Variants in COL23A1 observed in about 807,000 individuals in gnomAD.
COL23A1 encodes collagen alpha-1(XXIII) chain.
A neutral mutation model predicts 99.3 loss-of-function variants in COL23A1; 97 were observed. That is an observed-to-expected ratio of 0.98 (90% confidence interval 0.83 to 1.16). The LOEUF is 1.16. Ranked by LOEUF, COL23A1 falls within the 50% of genes most tolerant of loss-of-function variation. COL23A1 has a pLI of 0.00. For missense variants in COL23A1, 762 were observed against 757.4 expected (o/e 1.01, Z -0.07); for synonymous variants, 320 against 308.2 (o/e 1.04, Z -0.40).
intron 2 of COL23A1, among the ~76,000 whole-genome samples, chr5:178,314,957 T>C (rs552856111): frequency 5.9e-5 from 9 of 152,282 alleles, no homozygotes; most frequent in African/African-American, 2.2e-4. Flanking sequence ...TTTCATAACC[T>C]CTTCTTGGCA....
At chr5:178,432,171 T>C (rs1338725486) in intron 2 of COL23A1, among the ~76,000 whole-genome samples, 2 of 152,256 alleles carry the variant, frequency 1.3e-5, no homozygotes, top group East Asian at 1.9e-4. Context: ...AGGTAACTTA[T>C]AGAACCCTTT....
chr5:178,263,426 C>A lies in COL23A1; in HGVS notation c.523-102G>T, dbSNP rs1029488166. The A allele has an allele frequency of 1.5e-5, 11 of 729,584 alleles. No individual in the cohort carries two copies. The African/African-American group carries it at 2.0e-4, about 13-fold the overall frequency. 45.2% of individuals were successfully genotyped at this position (729,584 alleles called of 1,614,324 possible). ...AGCCCCACGCCATCCCCTTCCCCAG[C>A]CCTTGGGCAGGCTCAAAGGGGAGGG... On this transcript the variant is annotated intron_variant, in intron 8 of 28. Transcript: ENST00000390654.
At chr5:178,586,313 C>T (rs1025265107) in intron 1 of COL23A1, among the ~76,000 whole-genome samples, 16 of 152,326 alleles carry the variant, frequency 1.1e-4, no homozygotes, top group African/African-American at 3.8e-4. Flanking sequence ...ACCACACTAT[C>T]AGAGGAGAGG....
intron 1 of COL23A1, among the ~76,000 whole-genome samples, chr5:178,563,470 A>T (rs1013901598): frequency 2.7e-5 from 4 of 149,980 alleles, no homozygotes; most frequent in African/African-American, 9.9e-5. Context: ...CACCTGTCCC[A>T]GTTGAATGGG....
chr5:178,291,936 T>C (rs1262668982), intron 3 of COL23A1, among the ~76,000 whole-genome samples: 1 of 152,182 alleles, frequency 6.6e-6, no homozygotes, highest in African/African-American at 2.4e-5. Flanking sequence ...AGCAAGATGC[T>C]GGCAGCTTGG....
chr5:178,521,762 T>G (rs1170968286), intron 2 of COL23A1, among the ~76,000 whole-genome samples: 3 of 152,194 alleles, frequency 2.0e-5, no homozygotes, highest in Non-Finnish European at 4.4e-5. Context: ...AATGGCTACT[T>G]ATTTTATGAT....
intron 2 of COL23A1, among the ~76,000 whole-genome samples, chr5:178,401,929 C>T (rs1288392527): frequency 1.3e-5 from 2 of 152,178 alleles, no homozygotes; most frequent in Middle Eastern, 3.2e-3. Context: ...GATTCTCCTG[C>T]CTCAGCCTCC....
At position 178,498,215 on chromosome 5, in the gene COL23A1, TATATATATATATA is replaced by T. The variant is rs1180105242; in HGVS notation, c.361+62454_361+62466del. The stretch of plus-strand genomic sequence containing the variant: ...CCCTGTCTTTATTTAAATATATATA[TATATATATATATA>T]TATATATATATATATATATATATAT... On this transcript the variant is annotated intron_variant, in intron 2 of 28. Transcript: ENST00000390654. Among the ~76,000 whole-genome samples the T allele has an allele frequency of 3.9e-4, 13 of 33,526 alleles. No individual in the cohort carries two copies. In the African/African-American group the frequency reaches 4.0e-3, roughly 10 times the overall value. The allele number at this position is 33,526 out of a possible 152,430, so 22.0% of individuals were successfully genotyped here. A position where few individuals can be genotyped will look rare whatever the true frequency, so the allele number is the denominator to read the frequency against.
chr5:178,512,362 G>A (rs1357298546), intron 2 of COL23A1, among the ~76,000 whole-genome samples: 1 of 152,222 alleles, frequency 6.6e-6, no homozygotes, highest in Non-Finnish European at 1.5e-5. Context: ...AGATATAAAT[G>A]TACCATATAT....
chr5:178,522,795 G>C (rs957501437), intron 2 of COL23A1, among the ~76,000 whole-genome samples: 2 of 152,078 alleles, frequency 1.3e-5, no homozygotes, highest in African/African-American at 4.8e-5. Context: ...GTGGCCTACG[G>C]GGACTGCCAG....
At chr5:178,374,396 T>C (rs1478585019) in intron 2 of COL23A1, among the ~76,000 whole-genome samples, 1 of 152,202 alleles carries the variant, frequency 6.6e-6, no homozygotes, top group Admixed American at 6.5e-5. Flanking sequence ...TGCCTATCTC[T>C]GCTGCTGCCC....
intron 2 of COL23A1, among the ~76,000 whole-genome samples, chr5:178,321,779 G>A (rs1253799329): frequency 2.0e-5 from 3 of 151,266 alleles, no homozygotes; most frequent in East Asian, 2.0e-4. Flanking sequence ...GTGAGCCACC[G>A]CGCCCGGCCC....
At position 178,589,365 on chromosome 5, in the gene COL23A1, C is replaced by A. The variant is rs557452346; in HGVS notation, c.294+539G>T. On this transcript the variant is annotated intron_variant, in intron 1 of 28. Coordinates refer to ENST00000390654, the MANE Select transcript of COL23A1 (RefSeq NM_173465.4). The surrounding 1 kb of genome is among the most constrained non-coding windows in gnomAD (Gnocchi z 5.4). ...CCCCATCCCCGAGGCCTCAGTGCGACGGTGACCGCTCAGTCTTGGGGCCTG... is the reference window on the plus strand; with the variant it reads ...CCCCATCCCCGAGGCCTCAGTGCGAAGGTGACCGCTCAGTCTTGGGGCCTG... 1.3e-5 allele frequency among the ~76,000 whole-genome samples: 2 copies of A among 152,200 alleles called. No homozygotes were observed. The highest frequency in any genetic ancestry group is 6.5e-5 in the Admixed American group (1 of 15,292).
intron 2 of COL23A1, among the ~76,000 whole-genome samples, chr5:178,382,192 A>C (rs1021474407): frequency 4.6e-5 from 7 of 151,950 alleles, no homozygotes; most frequent in African/African-American, 1.7e-4. Flanking sequence ...GTGTCTGCTG[A>C]GGGTCACACA....
At chr5:178,411,213 T>C (rs1287974859) in intron 2 of COL23A1, among the ~76,000 whole-genome samples, 1 of 152,312 alleles carries the variant, frequency 6.6e-6, no homozygotes, top group East Asian at 1.9e-4. Context: ...AATGTAAAAT[T>C]GTTCGGCTCC....
chr5:178,247,587 C>G, intron 21 of COL23A1, 35 bp from the exon 22 acceptor site: 1 of 1,613,662 alleles, frequency 6.2e-7, no homozygotes, highest in Non-Finnish European at 8.5e-7. Flanking sequence ...AAGGCTGGCT[C>G]CGGACCCTCT....
In COL23A1 at chr5:178,387,846, G is replaced by A. The variant is rs1159067559; in HGVS notation, c.362-80927C>T. ...GCTTTTATACTCAGGAAGGAAGAGG[G>A]CCCAAGGAGAAAATAAGGAGCCAAA... On this transcript the variant is annotated intron_variant, in intron 2 of 28. Transcript: ENST00000390654. This position sits in a 1 kb window ranked among gnomAD's most constrained non-coding sequence, Gnocchi z 4.7. 6.6e-6 allele frequency among the ~76,000 whole-genome samples: 1 copy of A among 152,110 alleles called. No homozygotes were observed. The highest frequency in any genetic ancestry group is 2.4e-5 in the African/African-American group (1 of 41,408).
At chr5:178,386,283 CA>C (rs1251865803) in intron 2 of COL23A1, among the ~76,000 whole-genome samples, 6 of 151,998 alleles carry the variant, frequency 3.9e-5, no homozygotes, top group Non-Finnish European at 7.4e-5. Context: ...TACTAAAATA[CA>C]AAAAATTAGC....
intron 5 of COL23A1, 134 bp downstream of exon 5, chr5:178,288,190 C>A (rs1039959303): frequency 1.2e-6 from 1 of 863,584 alleles, no homozygotes; most frequent in Non-Finnish European, 2.0e-6. Flanking sequence ...ACGCTAATCG[C>A]CTCCACAGAA....
Sources: gnomAD v4.1 joint callset for allele counts (sites outside exome capture counted in the v4.1 genomes callset) on GRCh38, gnomAD v4.1.1 for gene constraint, Gnocchi (gnomAD v3.1) non-coding constraint, MANE v1.5 for transcripts, NCBI Gene and HGNC (gene_info 2026-07-23, HGNC 2026-07-21) for gene names.